Variants in RYR2 observed in about 807,000 individuals in gnomAD.
The protein encoded by RYR2 is cardiac muscle ryanodine receptor-calcium release channel.
Under a neutral mutation model 601.1 loss-of-function variants are expected in RYR2, and 227 were observed. That is an observed-to-expected ratio of 0.38 (90% confidence interval 0.34 to 0.42). RYR2 has a LOEUF of 0.42. Among genes scored for constraint, RYR2 ranks in the 10% least tolerant of loss-of-function variants. RYR2 has a pLI of 1.00. For synonymous variants in RYR2, 2,223 were observed against 2,175.1 expected (o/e 1.02, Z -0.61); for missense variants, 4,646 against 6,156.5 (o/e 0.75, Z 8.21).
chr1:237,055,971 A>G (rs1342807089), intron 1 of RYR2, among the ~76,000 whole-genome samples: 2 of 141,356 alleles, frequency 1.4e-5, no homozygotes, highest in African/African-American at 5.3e-5. Flanking sequence ...ACCGTACTTG[A>G]GAGGACTGGA....
intron 25 of RYR2, among the ~76,000 whole-genome samples, chr1:237,541,020 A>G (rs1423168363): frequency 6.6e-6 from 1 of 152,224 alleles, no homozygotes; most frequent in African/African-American, 2.4e-5. Context: ...CTGTTTACAT[A>G]GACACAAGCA....
chr1:237,302,214 A>G (rs1038377280), intron 2 of RYR2, among the ~76,000 whole-genome samples: 22 of 152,176 alleles, frequency 1.4e-4, no homozygotes, highest in Admixed American at 3.9e-4. Flanking sequence ...TTACTGATTC[A>G]TACATTTATT....
intron 79 of RYR2, among the ~76,000 whole-genome samples, chr1:237,737,422 T>C (rs1191725581): frequency 6.6e-6 from 1 of 152,244 alleles, no homozygotes; most frequent in African/African-American, 2.4e-5. Flanking sequence ...AGTTACGACC[T>C]CACCTGCGTA....
intron 34 of RYR2, among the ~76,000 whole-genome samples, chr1:237,597,564 G>A (rs1187101682): frequency 1.3e-5 from 2 of 151,912 alleles, no homozygotes. Flanking sequence ...ACAGACATGA[G>A]CCACCATGCC....
At chr1:237,753,307 A>G (rs1249488550) in intron 80 of RYR2, among the ~76,000 whole-genome samples, 2 of 152,250 alleles carry the variant, frequency 1.3e-5, no homozygotes, top group East Asian at 1.9e-4. Context: ...TTTTTCTCAC[A>G]TAAGACAAGT....
At chr1:237,213,139 C>T (rs1682776166) in intron 1 of RYR2, among the ~76,000 whole-genome samples, 1 of 151,680 alleles carries the variant, frequency 6.6e-6, no homozygotes, top group African/African-American at 2.4e-5. Context: ...AGCAAAAAAC[C>T]CCAAAACCTA....
At chr1:237,668,475 A>G (rs1432291898) in intron 58 of RYR2, among the ~76,000 whole-genome samples, 1 of 152,202 alleles carries the variant, frequency 6.6e-6, no homozygotes, top group Non-Finnish European at 1.5e-5. Flanking sequence ...TGCTATGCTG[A>G]TGATATCTTT....
chr1:237,237,732 C>T (rs1685692456), intron 1 of RYR2, among the ~76,000 whole-genome samples: 2 of 152,100 alleles, frequency 1.3e-5, no homozygotes, highest in Non-Finnish European at 2.9e-5. Flanking sequence ...GTAGAGAATC[C>T]CTTACCCACT....
intron 32 of RYR2, among the ~76,000 whole-genome samples, chr1:237,592,817 T>A (rs993299242): frequency 6.6e-6 from 1 of 151,958 alleles, no homozygotes; most frequent in African/African-American, 2.4e-5. Context: ...GGTCAGGAGT[T>A]CGAGAACAGC....
chr1:237,787,741 T>A (rs1431435630), intron 91 of RYR2, among the ~76,000 whole-genome samples: 1 of 152,138 alleles, frequency 6.6e-6, no homozygotes, highest in East Asian at 1.9e-4. Flanking sequence ...ATAAAGATTC[T>A]TCAAGCCTAT....
At chr1:237,815,601 TG>T (rs1390139394) in intron 100 of RYR2, among the ~76,000 whole-genome samples, 2 of 152,190 alleles carry the variant, frequency 1.3e-5, no homozygotes, top group Non-Finnish European at 2.9e-5. Flanking sequence ...TTCATCACAA[TG>T]CATAAAGCTG....
intron 1 of RYR2, among the ~76,000 whole-genome samples, chr1:237,063,683 T>G (rs1416379940): frequency 6.6e-6 from 1 of 152,198 alleles, no homozygotes; most frequent in African/African-American, 2.4e-5. Context: ...TTTACTTATA[T>G]GTTGCACTGT....
At chr1:237,117,565 A>G (rs929493019) in intron 1 of RYR2, among the ~76,000 whole-genome samples, 1 of 152,096 alleles carries the variant, frequency 6.6e-6, no homozygotes, top group African/African-American at 2.4e-5. Flanking sequence ...GTTAGAGTCC[A>G]TGATTGATTG....
At chr1:237,049,533 A>G (rs1212669980) in intron 1 of RYR2, among the ~76,000 whole-genome samples, 3 of 152,168 alleles carry the variant, frequency 2.0e-5, no homozygotes, top group Non-Finnish European at 4.4e-5. Context: ...AGGGTCAACC[A>G]GACTCAAACC....
chr1:237,512,163 G>T (rs745795220), intron 24 of RYR2, among the ~76,000 whole-genome samples: 2 of 152,116 alleles, frequency 1.3e-5, no homozygotes, highest in African/African-American at 2.4e-5. Flanking sequence ...GATATTAAGA[G>T]CAAGTGTTTA....
chr1:237,490,317 C>A (rs1224933853), intron 17 of RYR2, among the ~76,000 whole-genome samples: 2 of 152,126 alleles, frequency 1.3e-5, no homozygotes, highest in Non-Finnish European at 1.5e-5. Context: ...GCCCATGTAT[C>A]CCTTGAATCG....
At position 237,382,789 on chromosome 1, in the gene RYR2, A is replaced by T. The variant is rs190591513; in HGVS notation, c.577-4492A>T. Among the ~76,000 whole-genome samples, 413 of 152,282 alleles carry T rather than the reference A, an allele frequency of 2.7e-3. 2 individuals carry two copies. Among genetic ancestry groups the T allele is most frequent in the African/African-American group, 9.6e-3 (398 of 41,560 alleles). On this transcript the variant is annotated intron_variant, in intron 8 of 104. Transcript: ENST00000366574. Reference sequence around the variant, plus strand: ...CATAAATATTTTCAAGTGATTTATTATATGAACCAATTCATTTTTGATTAA... The same window carrying T: ...CATAAATATTTTCAAGTGATTTATTTTATGAACCAATTCATTTTTGATTAA...
intron 5 of RYR2, among the ~76,000 whole-genome samples, chr1:237,366,483 C>G (rs1307328534): frequency 6.6e-6 from 1 of 152,030 alleles, no homozygotes; most frequent in Non-Finnish European, 1.5e-5. Flanking sequence ...CTCACTGCAA[C>G]CTGGAACTCC....
chr1:237,789,853 GCTCAGCCTAGCTAA>G (rs1386270914), intron 92 of RYR2, among the ~76,000 whole-genome samples: 21 of 152,178 alleles, frequency 1.4e-4, no homozygotes, highest in Admixed American at 1.4e-3. Flanking sequence ...CTAAGTGAGA[GCTCAGCCTAGCTAA>G]CTCAGCCTCT....
Sources: gnomAD v4.1 joint callset for allele counts (sites outside exome capture counted in the v4.1 genomes callset) on GRCh38, gnomAD v4.1.1 for gene constraint, MANE v1.5 for transcripts, NCBI Gene and HGNC (gene_info 2026-07-23, HGNC 2026-07-21) for gene names.